The following PDE5A variants were observed in gnomAD, a reference collection of about 807,000 sequenced individuals.
PDE5A encodes phosphodiesterase 5A.
A neutral mutation model predicts 110.2 loss-of-function variants in PDE5A; 67 were observed. The ratio of observed to expected loss-of-function variants is 0.61; its 90% CI spans 0.50 to 0.75. The LOEUF is 0.75. Ranked by LOEUF, PDE5A falls within the 30% of genes least tolerant of loss-of-function variation. PDE5A has a pLI of 0.00. For missense variants in PDE5A, 862 were observed against 1,045.1 expected (o/e 0.82, Z 2.42); for synonymous variants, 328 against 351.2 (o/e 0.93, Z 0.74).
At chr4:119,546,965 A>G (rs1727149706) in intron 9 of PDE5A, among the ~76,000 whole-genome samples, 1 of 151,904 alleles carries the variant, frequency 6.6e-6, no homozygotes, top group Non-Finnish European at 1.5e-5. Flanking sequence ...AGGTACTTTC[A>G]GCTAATTCTT....
At chr4:119,541,591 T>G (rs1451420131) in intron 10 of PDE5A, among the ~76,000 whole-genome samples, 1 of 152,114 alleles carries the variant, frequency 6.6e-6, no homozygotes, top group Admixed American at 6.6e-5. Flanking sequence ...TATATGTCTC[T>G]CTAGCTCTTT....
In PDE5A at chr4:119,565,416, A is replaced by G. The variant is rs1727893821; in HGVS notation, c.904-6T>C. 2 of 1,596,150 alleles carry G rather than the reference A, an allele frequency of 1.3e-6. No individual in the cohort carries two copies. Among genetic ancestry groups the G allele is most frequent in the East Asian group, 2.2e-5 (1 of 44,652 alleles). On this transcript the variant is annotated splice_polypyrimidine_tract_variant and splice_region_variant and intron_variant, in intron 4 of 20. Transcript: ENST00000354960. ...GCCAAATAAGCAGCAAAGTCCTAAA[A>G]AACAGATAATAGACAAATAAAAACG...
chr4:119,584,051 G>A (rs149171915), intron 3 of PDE5A, among the ~76,000 whole-genome samples: 19 of 152,288 alleles, frequency 1.2e-4, no homozygotes, highest in African/African-American at 3.4e-4. Flanking sequence ...GAGATCTGGC[G>A]CACAAATGGG....
chr4:119,586,466 T>C (rs1203915155), intron 3 of PDE5A, among the ~76,000 whole-genome samples: 1 of 152,224 alleles, frequency 6.6e-6, no homozygotes, highest in Non-Finnish European at 1.5e-5. Flanking sequence ...GCACTTTACC[T>C]ATGGAATCTT....
intron 9 of PDE5A, among the ~76,000 whole-genome samples, chr4:119,547,106 G>GT (rs35182804): frequency 0.46 from 61,185 of 133,612 alleles, 14,103 homozygotes; most frequent in South Asian, 0.66. Flanking sequence ...TTGGGCAATA[G>GT]TTTTTTTTTT....
At chr4:119,621,243 T>G (rs1214674913) in intron 1 of PDE5A, among the ~76,000 whole-genome samples, 1 of 152,218 alleles carries the variant, frequency 6.6e-6, no homozygotes, top group Non-Finnish European at 1.5e-5. Flanking sequence ...CCACATCACT[T>G]TCTTTTGGGA....
intron 11 of PDE5A, among the ~76,000 whole-genome samples, chr4:119,534,301 G>A (rs1726650655): frequency 7.5e-6 from 1 of 133,664 alleles, no homozygotes; most frequent in Non-Finnish European, 1.6e-5. Flanking sequence ...ATAGCAGGAG[G>A]TGGTGAGTAG....
At chr4:119,563,279 G>A (rs1467379957) in intron 5 of PDE5A, among the ~76,000 whole-genome samples, 1 of 152,088 alleles carries the variant, frequency 6.6e-6, no homozygotes, top group Non-Finnish European at 1.5e-5. Flanking sequence ...TAAAATCATA[G>A]GGCTGTTAGG....
intron 12 of PDE5A, among the ~76,000 whole-genome samples, chr4:119,522,343 A>G (rs1726157250): frequency 6.6e-6 from 1 of 152,076 alleles, no homozygotes; most frequent in Admixed American, 6.6e-5. Context: ...ATATCTGAAT[A>G]GAGTCTGTCA....
intron 2 of PDE5A, among the ~76,000 whole-genome samples, chr4:119,605,887 T>G (rs914608205): frequency 2.6e-5 from 4 of 152,210 alleles, no homozygotes; most frequent in Non-Finnish European, 5.9e-5. Flanking sequence ...AAGCCAGAAT[T>G]ACCACTGAAT....
chr4:119,597,040 A>G (rs909878062), intron 2 of PDE5A, among the ~76,000 whole-genome samples: 8 of 152,068 alleles, frequency 5.3e-5, no homozygotes, highest in African/African-American at 1.9e-4. Context: ...ACAGTTCTTC[A>G]GTATTCTGTA....
At chr4:119,601,185 G>A (rs1427459723) in intron 2 of PDE5A, among the ~76,000 whole-genome samples, 3 of 152,120 alleles carry the variant, frequency 2.0e-5, no homozygotes, top group Non-Finnish European at 4.4e-5. Context: ...CAGGATTAGG[G>A]GTGGGAACCA....
At chr4:119,549,667 A>G (rs1356007633) in intron 9 of PDE5A, 1 of 152,240 alleles carries the variant, frequency 6.6e-6, no homozygotes, top group Non-Finnish European at 1.5e-5. Flanking sequence ...TCTGGTAAAT[A>G]TAATATTGGA....
intron 3 of PDE5A, chr4:119,569,676 TA>T (rs1480805032): frequency 2.0e-5 from 3 of 152,586 alleles, no homozygotes; most frequent in Non-Finnish European, 2.9e-5. Context: ...ACTCACATTA[TA>T]TTAGGTAGTA....
intron 11 of PDE5A, among the ~76,000 whole-genome samples, chr4:119,527,694 C>A (rs1014304303): frequency 1.3e-5 from 2 of 151,206 alleles, no homozygotes; most frequent in African/African-American, 4.9e-5. Context: ...GTTTTAGTGA[C>A]TTTTATTCAT....
intron 15 of PDE5A, among the ~76,000 whole-genome samples, chr4:119,509,166 A>C (rs1222083912): frequency 6.6e-6 from 1 of 152,048 alleles, no homozygotes; most frequent in Non-Finnish European, 1.5e-5. Context: ...TTTGTGAAAA[A>C]ATGGTATTGG....
intron 20 of PDE5A, among the ~76,000 whole-genome samples, chr4:119,499,092 T>C (rs10471013): frequency 2.6e-5 from 4 of 152,310 alleles, no homozygotes; most frequent in Admixed American, 1.3e-4. Flanking sequence ...AACTGCTTAG[T>C]TTTTGCGTTT....
chr4:119,529,391 G>A (rs184628531), intron 11 of PDE5A, among the ~76,000 whole-genome samples: 149 of 152,176 alleles, frequency 9.8e-4, no homozygotes, highest in African/African-American at 3.4e-3. Flanking sequence ...TTCATCTTCC[G>A]AAGAGGCTAG....
rs1730389442 is a variant in PDE5A, at chr4:119,627,307, C to T, written c.152+1213G>A. On this transcript the variant is annotated intron_variant, in intron 1 of 20. Transcript: ENST00000354960. This position sits in a 1 kb window ranked among gnomAD's most constrained non-coding sequence, Gnocchi z 4.6. ...GAACCAGCTCCCTCACGGCCCCGGCCTCCGCGCCGCCGCCCGTCGCCTCCC... is the reference window on the plus strand; with the variant it reads ...GAACCAGCTCCCTCACGGCCCCGGCTTCCGCGCCGCCGCCCGTCGCCTCCC... 3.1e-6 allele frequency: 4 copies of T among 1,270,552 alleles called. No homozygotes were observed. Among genetic ancestry groups the T allele is most frequent in the African/African-American group, 3.1e-5 (2 of 65,326 alleles). 78.7% of individuals were successfully genotyped at this position (1,270,552 alleles called of 1,614,324 possible).
Sources: allele counts gnomAD v4.1 joint callset (sites outside exome capture counted in the v4.1 genomes callset), GRCh38; gene constraint gnomAD v4.1.1; non-coding constraint Gnocchi (gnomAD v3.1); transcripts MANE v1.5; gene names NCBI Gene and HGNC (gene_info 2026-07-23, HGNC 2026-07-21).